Variants in ZEB1 observed in about 807,000 individuals in gnomAD.
ZEB1 encodes zinc finger E-box-binding homeobox 1.
A neutral mutation model predicts 84.9 loss-of-function variants in ZEB1; 21 were observed. The ratio of observed to expected loss-of-function variants is 0.25; its 90% CI spans 0.18 to 0.36. The LOEUF (loss-of-function observed/expected upper bound fraction) is 0.36, where lower values mean the gene tolerates loss of function less well. ZEB1 is among the 10% of genes least tolerant of loss of function. ZEB1 has a pLI of 1.00. For missense variants in ZEB1, 1,104 were observed against 1,330.2 expected (o/e 0.83, Z 2.65); for synonymous variants, 420 against 471.1 (o/e 0.89, Z 1.41).
chr10:31,496,293 A>G (rs1396354484), intron 3 of ZEB1, among the ~76,000 whole-genome samples: 1 of 152,108 alleles, frequency 6.6e-6, no homozygotes, highest in Non-Finnish European at 1.5e-5. Flanking sequence ...ATGAATATTA[A>G]TGAGTTGAGT....
intron 1 of ZEB1, chr10:31,363,302 G>A: frequency 3.9e-6 from 6 of 1,533,074 alleles, no homozygotes; most frequent in Non-Finnish European, 5.2e-6. Context: ...CCAAAGGGAA[G>A]GATGCCTCCA....
At chr10:31,337,924 C>G (rs2038521263) in intron 1 of ZEB1, among the ~76,000 whole-genome samples, 1 of 152,112 alleles carries the variant, frequency 6.6e-6, no homozygotes, top group Admixed American at 6.5e-5. Flanking sequence ...CCCTCATGAT[C>G]CACCTGCCTT....
intron 1 of ZEB1, among the ~76,000 whole-genome samples, chr10:31,453,412 A>T (rs2060832443): frequency 6.6e-6 from 1 of 152,156 alleles, no homozygotes. Context: ...TTCTTTATGA[A>T]GCATTTAGGT....
rs375121407 is a variant in ZEB1, at chr10:31,516,805, C to A, written c.793+2097C>A. ...AAAGTGCTATTTAGGAAAAGCATTGCTCCAGGGTGGCCACGTAGATACAGT... is the reference window on the plus strand; with the variant it reads ...AAAGTGCTATTTAGGAAAAGCATTGATCCAGGGTGGCCACGTAGATACAGT... On this transcript the variant is annotated intron_variant, in intron 6 of 8. Coordinates refer to ENST00000424869, the MANE Select transcript of ZEB1 (RefSeq NM_001174096.2). 2.2e-4 allele frequency among the ~76,000 whole-genome samples: 33 copies of A among 152,004 alleles called. No individual in the cohort carries two copies. In the East Asian group the frequency reaches 6.4e-3, roughly 29 times the overall value.
At chr10:31,355,693 G>T (rs932950092) in intron 1 of ZEB1, among the ~76,000 whole-genome samples, 1 of 152,116 alleles carries the variant, frequency 6.6e-6, no homozygotes, top group South Asian at 2.1e-4. Flanking sequence ...AACATTGCAG[G>T]CAACAGAAAT....
At chr10:31,432,441 T>C (rs1222674835) in intron 1 of ZEB1, among the ~76,000 whole-genome samples, 5 of 152,184 alleles carry the variant, frequency 3.3e-5, no homozygotes, top group Non-Finnish European at 1.5e-5. Context: ...ATTTAAAAAT[T>C]AGCCAGGTGT....
intron 1 of ZEB1, among the ~76,000 whole-genome samples, chr10:31,433,411 A>G (rs760465158): frequency 1.1e-4 from 17 of 152,172 alleles, no homozygotes; most frequent in Middle Eastern, 3.2e-3. Flanking sequence ...AATTTGGCCA[A>G]TTTGTCTTCC....
At chr10:31,382,025 A>AC (rs2047762752) in intron 1 of ZEB1, among the ~76,000 whole-genome samples, 2 of 146,072 alleles carry the variant, frequency 1.4e-5, no homozygotes, top group Non-Finnish European at 3.0e-5. Context: ...AAAAAAAAAA[A>AC]AAAAAAAAAC....
At chr10:31,483,124 A>G (rs2065271218) in intron 2 of ZEB1, among the ~76,000 whole-genome samples, 1 of 152,058 alleles carries the variant, frequency 6.6e-6, no homozygotes, top group Non-Finnish European at 1.5e-5. Flanking sequence ...TCTCTAAAAC[A>G]CTGGAGGACT....
intron 1 of ZEB1, among the ~76,000 whole-genome samples, chr10:31,429,108 A>T (rs2057354812): frequency 6.6e-6 from 1 of 152,156 alleles, no homozygotes; most frequent in African/African-American, 2.4e-5. Context: ...TGTCATAATG[A>T]TGTTAGCTAG....
intron 5 of ZEB1, among the ~76,000 whole-genome samples, chr10:31,511,345 A>G (rs2069974566): frequency 2.0e-5 from 3 of 152,156 alleles, no homozygotes; most frequent in South Asian, 4.1e-4. Context: ...TTTCCCCCGT[A>G]GTAAAGGGAG....
At chr10:31,401,955 A>C (rs541381105) in intron 1 of ZEB1, among the ~76,000 whole-genome samples, 1 of 152,098 alleles carries the variant, frequency 6.6e-6, no homozygotes, top group Non-Finnish European at 1.5e-5. Context: ...GACTGAAGCC[A>C]GAATAGAGGT....
chr10:31,350,572 C>G (rs1175602860), intron 1 of ZEB1, among the ~76,000 whole-genome samples: 1 of 152,106 alleles, frequency 6.6e-6, no homozygotes, highest in Non-Finnish European at 1.5e-5. Flanking sequence ...TTTTCTTGAA[C>G]TAGTTTAAGA....
At chr10:31,452,740 T>TGAGAGA (rs1452289496) in intron 1 of ZEB1, among the ~76,000 whole-genome samples, 6 of 97,554 alleles carry the variant, frequency 6.2e-5, no homozygotes, top group African/African-American at 1.5e-4. Context: ...TGTGTGTGTG[T>TGAGAGA]GTGAGAGAGA....
At chr10:31,455,805 TGTG>T (rs921037077) in intron 1 of ZEB1, among the ~76,000 whole-genome samples, 24 of 152,256 alleles carry the variant, frequency 1.6e-4, no homozygotes, top group Admixed American at 1.3e-3. Context: ...TTTACACTGT[TGTG>T]GGTGTGTAAA....
rs2062395002 is a variant in ZEB1 at position 31,466,157 on chromosome 10, G to T, written c.259+4920G>T. 1.3e-5 allele frequency among the ~76,000 whole-genome samples: 2 copies of T among 152,192 alleles called. 1 individual carries two copies. The highest frequency in any genetic ancestry group is 4.1e-4 in the South Asian group (2 of 4,824). On this transcript the variant is annotated intron_variant, in intron 2 of 8. Transcript: ENST00000424869. ...AAAAATATAACTGAAGGGAGAAATA[G>T]ATAGCAGTACAGTAATCATAGGGGT...
chr10:31,444,500 C>T, intron 1 of ZEB1, among the ~76,000 whole-genome samples: 1 of 151,682 alleles, frequency 6.6e-6, no homozygotes, highest in South Asian at 2.1e-4. Context: ...TGCCTATGTC[C>T]TGAATGGTAA....
chr10:31,453,671 T>G (rs111895562), intron 1 of ZEB1, among the ~76,000 whole-genome samples: 11,878 of 152,182 alleles, frequency 0.078, 659 homozygotes, highest in African/African-American at 0.16. Context: ...AATGGATAAA[T>G]TCCTGGACAC....
At chr10:31,497,070 CTTG>C (rs1247780904) in intron 3 of ZEB1, among the ~76,000 whole-genome samples, 1 of 152,096 alleles carries the variant, frequency 6.6e-6, no homozygotes, top group Non-Finnish European at 1.5e-5. Flanking sequence ...TTCAGATATG[CTTG>C]TTATCAAATA....
Sources: allele counts gnomAD v4.1 joint callset (sites outside exome capture counted in the v4.1 genomes callset), GRCh38; gene constraint gnomAD v4.1.1; transcripts MANE v1.5; gene names NCBI Gene and HGNC (gene_info 2026-07-23, HGNC 2026-07-21).